The following BMP7 variants were observed in gnomAD, a reference collection of about 807,000 sequenced individuals.
BMP7 encodes the protein osteogenic protein 1.
A neutral mutation model predicts 41.2 loss-of-function variants in BMP7; 12 were observed. The observed-to-expected ratio is 0.29, with a 90% confidence interval of 0.19 to 0.47. The LOEUF is 0.47. Ranked by LOEUF, BMP7 falls within the 20% of genes least tolerant of loss-of-function variation. The pLI is 0.99. For synonymous variants in BMP7, 248 were observed against 250.0 expected, an observed-to-expected ratio of 0.99 and a Z score of 0.07; for missense variants, 467 against 606.0, an observed-to-expected ratio of 0.77 and a Z score of 2.41.
intron 1 of BMP7, among the ~76,000 whole-genome samples, chr20:57,252,187 T>G (rs1213525025): frequency 6.6e-6 from 1 of 152,238 alleles, no homozygotes; most frequent in Admixed American, 6.5e-5. Context: ...ACCTTGAAAT[T>G]TGAATTTCAT....
At position 57,213,056 on chromosome 20, in the gene BMP7, A is replaced by G. The variant is rs1984931941; in HGVS notation, c.612-10433T>C. Among the ~76,000 whole-genome samples, 1 of 152,236 alleles carries G rather than the reference A, an allele frequency of 6.6e-6. No homozygotes were observed. On this transcript the variant is annotated intron_variant, in intron 2 of 6. Transcript: ENST00000395863. The surrounding 1 kb of genome is among the most constrained non-coding windows in gnomAD (Gnocchi z 4.4). ...GCTAAAATTAAAGCTTTGGGGAGTA[A>G]GGTGGAAAAATACACAAAGAGGCAC...
chr20:57,237,533 A>G (rs934839379), intron 1 of BMP7, among the ~76,000 whole-genome samples: 2 of 152,224 alleles, frequency 1.3e-5, no homozygotes, highest in African/African-American at 4.8e-5. Flanking sequence ...AAAGATTTAC[A>G]TGGCAAGATT....
At chr20:57,245,436 T>C (rs2066086359) in intron 1 of BMP7, among the ~76,000 whole-genome samples, 5 of 152,134 alleles carry the variant, frequency 3.3e-5, no homozygotes, top group Admixed American at 3.3e-4. Context: ...AGCCTTGGAC[T>C]CCTGAGCTCA....
intron 1 of BMP7, among the ~76,000 whole-genome samples, chr20:57,255,677 G>A (rs932283646): frequency 4.0e-5 from 6 of 151,732 alleles, no homozygotes; most frequent in African/African-American, 1.2e-4. Context: ...GTGGGAGCCT[G>A]TAATCCCTGC....
At chr20:57,206,104 T>C (rs1984724513) in intron 2 of BMP7, among the ~76,000 whole-genome samples, 1 of 152,178 alleles carries the variant, frequency 6.6e-6, no homozygotes, top group Admixed American at 6.5e-5. Flanking sequence ...ACCTTGAGCA[T>C]CGTAAAAGAA....
At chr20:57,233,888 C>T (rs73170220) in intron 1 of BMP7, among the ~76,000 whole-genome samples, 3,565 of 152,264 alleles carry the variant, frequency 0.023, 65 homozygotes, top group Non-Finnish European at 0.036. Context: ...TATGTACAGT[C>T]GTACATCATA....
chr20:57,178,478 C>T (rs1279501504), intron 4 of BMP7, among the ~76,000 whole-genome samples: 1 of 152,086 alleles, frequency 6.6e-6, no homozygotes. Flanking sequence ...AGAGAGAGAA[C>T]CAGCTCTGGG....
chr20:57,193,036 A>G (rs529595130), intron 3 of BMP7, among the ~76,000 whole-genome samples: 39 of 152,212 alleles, frequency 2.6e-4, no homozygotes, highest in Non-Finnish European at 5.3e-4. Context: ...CCCAGAGGTC[A>G]TGGCTTTGCT....
chr20:57,252,951 T>C (rs1439135109), intron 1 of BMP7, among the ~76,000 whole-genome samples: 1 of 152,138 alleles, frequency 6.6e-6, no homozygotes, highest in Non-Finnish European at 1.5e-5. Context: ...AAACATCCTA[T>C]AATACACAGG....
intron 1 of BMP7, among the ~76,000 whole-genome samples, chr20:57,254,960 G>A (rs748087729): frequency 7.9e-5 from 12 of 152,154 alleles, no homozygotes; most frequent in Non-Finnish European, 1.3e-4. Flanking sequence ...CAGGCACTCA[G>A]GGCCCTATGC....
intron 4 of BMP7, among the ~76,000 whole-genome samples, chr20:57,175,239 T>C (rs1983897132): frequency 6.6e-6 from 1 of 152,214 alleles, no homozygotes; most frequent in Non-Finnish European, 1.5e-5. Context: ...TCCTCTCTCA[T>C]GTAGTCTTAT....
intron 4 of BMP7, 30 bp downstream of exon 4, chr20:57,183,692 G>A: frequency 6.2e-7 from 1 of 1,612,826 alleles, no homozygotes; most frequent in Non-Finnish European, 8.5e-7. Context: ...TTCCTGTGGT[G>A]GGTCTGTGAT....
chr20:57,237,066 G>A (rs766955328), intron 1 of BMP7, among the ~76,000 whole-genome samples: 4 of 152,232 alleles, frequency 2.6e-5, no homozygotes, highest in Non-Finnish European at 5.9e-5. Context: ...TATGAGCAAA[G>A]GGATGCTTTC....
chr20:57,233,476 G>A (rs187206139), intron 1 of BMP7, among the ~76,000 whole-genome samples: 4 of 152,286 alleles, frequency 2.6e-5, no homozygotes, highest in African/African-American at 7.2e-5. Context: ...CCCTAAGAGG[G>A]GAAATTCTGG....
intron 1 of BMP7, among the ~76,000 whole-genome samples, chr20:57,264,573 G>A (rs2066167105): frequency 6.6e-6 from 1 of 152,204 alleles, no homozygotes; most frequent in South Asian, 2.1e-4. Flanking sequence ...CGCCGGGGTC[G>A]TCGCGGCTCC....
chr20:57,204,160 G>A (rs1033798909), intron 2 of BMP7, among the ~76,000 whole-genome samples: 1 of 152,162 alleles, frequency 6.6e-6, no homozygotes, highest in Admixed American at 6.5e-5. Context: ...CCTTTTCAGA[G>A]CCTTTCACCA....
intron 1 of BMP7, among the ~76,000 whole-genome samples, chr20:57,233,970 C>T (rs530951125): frequency 1.3e-5 from 2 of 152,330 alleles, no homozygotes; most frequent in East Asian, 3.9e-4. Flanking sequence ...TATATTTCTC[C>T]TGCTTCCTGA....
At chr20:57,187,635 T>C (rs912818245) in intron 3 of BMP7, among the ~76,000 whole-genome samples, 1 of 151,898 alleles carries the variant, frequency 6.6e-6, no homozygotes, top group African/African-American at 2.4e-5. Flanking sequence ...AGCCACCATC[T>C]GGCAACCACA....
At chr20:57,216,475 C>T (rs938022951) in intron 2 of BMP7, among the ~76,000 whole-genome samples, 7 of 151,780 alleles carry the variant, frequency 4.6e-5, no homozygotes, top group African/African-American at 1.7e-4. Context: ...GAGGGGTGCA[C>T]CTGAGGACGA....
Sources: allele counts gnomAD v4.1 joint callset (sites outside exome capture counted in the v4.1 genomes callset), GRCh38; gene constraint gnomAD v4.1.1; non-coding constraint Gnocchi (gnomAD v3.1); transcripts MANE v1.5; gene names NCBI Gene and HGNC (gene_info 2026-07-23, HGNC 2026-07-21).